Variants in PROSER2 observed in about 807,000 individuals in gnomAD.
PROSER2 encodes proline and serine rich 2, also known as proline and serine-rich protein 2.
In PROSER2, 18 loss-of-function variants were observed where a neutral mutation model predicts 14.6. The ratio of observed to expected loss-of-function variants is 1.23; its 90% CI spans 0.85 to 1.83. The LOEUF is 1.83. Among genes scored for constraint, PROSER2 ranks in the 40% most tolerant of loss-of-function variants. The probability of loss-of-function intolerance (pLI) is 0.00; values close to 1 mark genes in which losing one functional copy is unlikely to be tolerated. For missense variants in PROSER2, 823 were observed against 629.8 expected, an observed-to-expected ratio of 1.31 and a Z score of -3.28; for synonymous variants, 367 against 286.4, an observed-to-expected ratio of 1.28 and a Z score of -2.84.
At chr10:11,825,889 T>C (rs902248477) in intron 1 of PROSER2, among the ~76,000 whole-genome samples, 9 of 152,180 alleles carry the variant, frequency 5.9e-5, no homozygotes, top group African/African-American at 2.2e-4. Flanking sequence ...GTCAAATACA[T>C]AGAACATAAA....
At chr10:11,858,693 T>A (rs1309680815) in intron 2 of PROSER2, among the ~76,000 whole-genome samples, 2 of 152,200 alleles carry the variant, frequency 1.3e-5, no homozygotes, top group Non-Finnish European at 2.9e-5. Flanking sequence ...TTGTCATTTC[T>A]TGAAGTCAGC....
chr10:11,835,885 C>T (rs1369683180), intron 1 of PROSER2, among the ~76,000 whole-genome samples: 1 of 152,058 alleles, frequency 6.6e-6, no homozygotes, highest in Non-Finnish European at 1.5e-5. Context: ...TGAAGAAGCC[C>T]ACTCATGGTA....
At chr10:11,864,744 AT>A (rs1834311799) in intron 2 of PROSER2, among the ~76,000 whole-genome samples, 1 of 152,074 alleles carries the variant, frequency 6.6e-6, no homozygotes, top group South Asian at 2.1e-4. Context: ...GCACACCACC[AT>A]GCCCGGCTAA....
Position 11,865,634 on chromosome 10 carries a change from T to G in PROSER2, c.139-897T>G, listed in dbSNP as rs911886823. ...GGATCAGCCTTTTTTGGCTCTTGGA[T>G]TCCTCGGGTTCCCCAGAGATGACAT... On this transcript the variant is annotated intron_variant, in intron 2 of 3. Coordinates refer to ENST00000277570, the MANE Select transcript of PROSER2 (RefSeq NM_153256.4). This position sits in a 1 kb window ranked among gnomAD's most constrained non-coding sequence, Gnocchi z 4.2. Among the ~76,000 whole-genome samples the G allele has an allele frequency of 2.6e-5, 4 of 152,174 alleles. No homozygotes were observed. Among genetic ancestry groups the G allele is most frequent in the African/African-American group, 9.7e-5 (4 of 41,434 alleles).
At chr10:11,829,004 T>G (rs1833654361) in intron 1 of PROSER2, among the ~76,000 whole-genome samples, 2 of 152,162 alleles carry the variant, frequency 1.3e-5, no homozygotes, top group African/African-American at 4.8e-5. Flanking sequence ...TAGGCCAACA[T>G]GGTGGAATTG....
At position 11,837,159 on chromosome 10, in the gene PROSER2, G is replaced by A. The variant is rs1284675186; in HGVS notation, c.-82+13689G>A. 6.6e-6 allele frequency among the ~76,000 whole-genome samples: 1 copy of A among 152,234 alleles called. No homozygotes were observed. The highest frequency in any genetic ancestry group is 1.5e-5 in the Non-Finnish European group (1 of 68,018). ...GGTAATTTGTATATGCTGAAGAGAA[G>A]CTACCAAGTGCTTCCTTTAAGTGAA... On this transcript the variant is annotated intron_variant, in intron 1 of 3. Coordinates refer to ENST00000277570, the MANE Select transcript of PROSER2 (RefSeq NM_153256.4). This position sits in a 1 kb window ranked among gnomAD's most constrained non-coding sequence, Gnocchi z 4.6.
intron 1 of PROSER2, among the ~76,000 whole-genome samples, chr10:11,828,982 T>C (rs925038855): frequency 1.3e-5 from 2 of 152,108 alleles, no homozygotes; most frequent in Admixed American, 6.5e-5. Context: ...AAGGGCAGCA[T>C]AGGGGGCAAT....
In PROSER2 at chr10:11,871,872, T is replaced by G. The variant is rs578150754; in HGVS notation, c.*1466T>G. ...ATAGTATCCCATTTGCCTTGTAAGTTATATAAAGTGCATGATTATAATTTT... is the reference window on the plus strand; with the variant it reads ...ATAGTATCCCATTTGCCTTGTAAGTGATATAAAGTGCATGATTATAATTTT... On this transcript the variant is annotated 3_prime_UTR_variant, in exon 4 of 4. Transcript: ENST00000277570. The G allele has an allele frequency of 6.6e-6, 1 of 152,348 alleles. No homozygotes were observed. The highest frequency in any genetic ancestry group is 6.5e-5 in the Admixed American group (1 of 15,300). The allele number at this position is 152,348 out of a possible 1,614,324, so 9.4% of individuals were successfully genotyped here.
chr10:11,863,392 T>C (rs1238563839), intron 2 of PROSER2, among the ~76,000 whole-genome samples: 1 of 151,890 alleles, frequency 6.6e-6, no homozygotes, highest in Admixed American at 6.6e-5. Flanking sequence ...AAAAATACAT[T>C]AGCAGGGCAC....
chr10:11,845,130 A>C (rs2131062884), intron 1 of PROSER2, among the ~76,000 whole-genome samples: 1 of 151,926 alleles, frequency 6.6e-6, no homozygotes, highest in African/African-American at 2.4e-5. Context: ...TTTTGCACCA[A>C]CCTAATACAT....
chr10:11,868,118 C>T (rs922662304), intron 3 of PROSER2, among the ~76,000 whole-genome samples: 2 of 152,146 alleles, frequency 1.3e-5, no homozygotes, highest in South Asian at 2.1e-4. Context: ...ATGTACTGTT[C>T]TTTTTTACTG....
In PROSER2 at chr10:11,838,002, T is replaced by C. The variant is rs374365167; in HGVS notation, c.-81-13995T>C. On this transcript the variant is annotated intron_variant, in intron 1 of 3. Transcript: ENST00000277570. The surrounding 1 kb of genome is among the most constrained non-coding windows in gnomAD (Gnocchi z 4.4). Reference sequence around the variant, plus strand: ...TCTTCCCTCATTAGATCATAACTTATCTGCCTGTATCATCTCCTGACATAC... The same window carrying C: ...TCTTCCCTCATTAGATCATAACTTACCTGCCTGTATCATCTCCTGACATAC... 2.0e-5 allele frequency among the ~76,000 whole-genome samples: 3 copies of C among 152,110 alleles called. No homozygotes were observed. Among genetic ancestry groups the C allele is most frequent in the Non-Finnish European group, 4.4e-5 (3 of 68,012 alleles).
At chr10:11,867,126 A>G (rs1006932036) in intron 3 of PROSER2, among the ~76,000 whole-genome samples, 21 of 151,972 alleles carry the variant, frequency 1.4e-4, no homozygotes, top group African/African-American at 5.1e-4. Flanking sequence ...TTAGCCAGGC[A>G]TGGTGACGGG....
At chr10:11,846,337 G>A (rs1351337884) in intron 1 of PROSER2, among the ~76,000 whole-genome samples, 1 of 152,126 alleles carries the variant, frequency 6.6e-6, no homozygotes, top group Non-Finnish European at 1.5e-5. Flanking sequence ...AGAAACTCCA[G>A]TTAAACACAA....
chr10:11,829,581 CAAA>C (rs372245548), intron 1 of PROSER2, among the ~76,000 whole-genome samples: 1 of 142,394 alleles, frequency 7.0e-6, no homozygotes. Flanking sequence ...GACCCTGTCT[CAAA>C]AAAAAAAAGA....
intron 1 of PROSER2, among the ~76,000 whole-genome samples, chr10:11,829,557 G>A (rs1833662782): frequency 6.6e-6 from 1 of 151,804 alleles, no homozygotes; most frequent in African/African-American, 2.4e-5. Context: ...ATTCTAGCCT[G>A]TAAGACAGAG....
At position 11,870,531 on chromosome 10, in the gene PROSER2, C is replaced by A; in HGVS notation, c.*125C>A. On this transcript the variant is annotated 3_prime_UTR_variant, in exon 4 of 4. Coordinates refer to ENST00000277570, the MANE Select transcript of PROSER2 (RefSeq NM_153256.4). ...CAGCGGGAGCCCCTGCCCTCTGTGG[C>A]ACATCGGAGTCTAGAGGTGCCTGGC... 1 of 833,086 alleles carries A rather than the reference C, an allele frequency of 1.2e-6. No homozygotes were observed. Among genetic ancestry groups the A allele is most frequent in the Non-Finnish European group, 1.7e-6 (1 of 577,086 alleles). 51.6% of individuals were successfully genotyped at this position (833,086 alleles called of 1,614,324 possible).
intron 1 of PROSER2, among the ~76,000 whole-genome samples, chr10:11,841,506 T>G (rs1392107047): frequency 6.6e-6 from 1 of 152,230 alleles, no homozygotes; most frequent in African/African-American, 2.4e-5. Context: ...CTTGGTTCAT[T>G]AAATTTCAGC....
rs1384388019 is a variant in PROSER2, at chr10:11,862,179, G to A, written c.139-4352G>A. On this transcript the variant is annotated intron_variant, in intron 2 of 3. Coordinates refer to ENST00000277570, the MANE Select transcript of PROSER2 (RefSeq NM_153256.4). This position sits in a 1 kb window ranked among gnomAD's most constrained non-coding sequence, Gnocchi z 4.2. ...GCCATGAGCCATATTCATGGGTCAA[G>A]AAAAGATCGCAGAGACATCAGTTCT... 6.6e-6 allele frequency among the ~76,000 whole-genome samples: 1 copy of A among 152,204 alleles called. No individual in the cohort carries two copies. The highest frequency in any genetic ancestry group is 1.5e-5 in the Non-Finnish European group (1 of 68,044).
Sources: gnomAD v4.1 joint callset for allele counts (sites outside exome capture counted in the v4.1 genomes callset) on GRCh38, gnomAD v4.1.1 for gene constraint, Gnocchi (gnomAD v3.1) non-coding constraint, MANE v1.5 for transcripts, NCBI Gene and HGNC (gene_info 2026-07-23, HGNC 2026-07-21) for gene names.